The following MPIG6B variants were observed in gnomAD, a reference collection of about 807,000 sequenced individuals.
MPIG6B encodes the protein megakaryocyte and platelet inhibitory receptor G6b, also known as immunoglobulin receptor.
In MPIG6B, 22 loss-of-function variants were observed where a neutral mutation model predicts 24.2. The observed-to-expected ratio is 0.91, with a 90% CI of 0.65 to 1.30. MPIG6B has a LOEUF of 1.30. MPIG6B is among the 50% of genes most tolerant of loss of function. MPIG6B has a pLI of 0.00. For missense variants in MPIG6B, 301 were observed against 318.5 expected, an observed-to-expected ratio of 0.94 and a Z score of 0.42; for synonymous variants, 136 against 142.0, an observed-to-expected ratio of 0.96 and a Z score of 0.30.
At chr6:31,724,024 CG>C (rs754708610) in intron 2 of MPIG6B, 38 bp downstream of exon 2, 1 of 1,560,376 alleles carries the variant, frequency 6.4e-7, no homozygotes, top group East Asian at 2.2e-5. Flanking sequence ...TACTTAACTC[CG>C]ACACATACCC....
chr6:31,723,000 A>G, upstream of MPIG6B: 1 of 318,408 alleles, frequency 3.1e-6, no homozygotes, highest in Non-Finnish European at 5.9e-6. Context: ...TGTTTTTGAG[A>G]CAGGGTCTGG....
Position 31,724,572 on chromosome 6 carries a change from A to G in MPIG6B, c.501-15A>G. 2.5e-6 allele frequency: 4 copies of G among 1,610,904 alleles called. No individual in the cohort carries two copies. Among genetic ancestry groups the G allele is most frequent in the Non-Finnish European group, 3.4e-6 (4 of 1,177,048 alleles). On this transcript the variant is annotated splice_polypyrimidine_tract_variant and intron_variant, in intron 3 of 5. Coordinates refer to ENST00000649779, the MANE Select transcript of MPIG6B (RefSeq NM_138272.3). ...CAAGACTGGTGGTTCTCAAAGACTCATATGTCCCTTACAGGCGCCTGCCCC... is the reference window on the plus strand; with the variant it reads ...CAAGACTGGTGGTTCTCAAAGACTCGTATGTCCCTTACAGGCGCCTGCCCC...
At position 31,723,464 on chromosome 6, in the gene MPIG6B, G is replaced by C. The variant is rs748831416; in HGVS notation, c.61+20G>C. ...CTGGGGGTAAGCGATCCCTGGGAGA[G>C]TTGTGATAGACGCAGAGGGGCTGAA... On this transcript the variant is annotated intron_variant, in intron 1 of 5. Transcript: ENST00000649779. The surrounding 1 kb of genome is among the most constrained non-coding windows in gnomAD (Gnocchi z 4.3). 6.2e-7 allele frequency: 1 copy of C among 1,609,168 alleles called. No homozygotes were observed.
At chr6:31,724,035 C>T (rs1807105758) in intron 2 of MPIG6B, 49 bp downstream of exon 2, 2 of 1,565,032 alleles carry the variant, frequency 1.3e-6, no homozygotes, top group Admixed American at 1.7e-5. Context: ...GACACATACC[C>T]GGAGGAGGGA....
chr6:31,725,301 C>G lies in MPIG6B; in HGVS notation c.*227C>G. On this transcript the variant is annotated 3_prime_UTR_variant, in exon 6 of 6. Transcript: ENST00000649779. The surrounding 1 kb of genome is among the most constrained non-coding windows in gnomAD (Gnocchi z 5.2). ...TCCATGTCTCCCTCACCACCAGTGT[C>G]CTCTCTATACCCAATCAAGCCCTAG... The G allele has an allele frequency of 3.7e-6, 2 of 536,988 alleles. No homozygotes were observed. The highest frequency in any genetic ancestry group is 3.9e-5 in the African/African-American group (2 of 51,720). 33.3% of individuals were successfully genotyped at this position (536,988 alleles called of 1,614,324 possible). A position where few individuals can be genotyped will look rare whatever the true frequency, so the allele number is the denominator to read the frequency against.
Position 31,725,455 on chromosome 6 carries a change from G to C in MPIG6B, c.*381G>C, listed in dbSNP as rs1807286567. The C allele has an allele frequency of 5.4e-6, 1 of 186,102 alleles. No individual in the cohort carries two copies. The highest frequency in any genetic ancestry group is 6.0e-5 in the Admixed American group (1 of 16,684). 11.5% of individuals were successfully genotyped at this position (186,102 alleles called of 1,614,324 possible). ...CCATTCTCCTGCCTCAGGCTCCTGA[G>C]TAGCTGGGACTACAGGCGCCCGCCA... On this transcript the variant is annotated 3_prime_UTR_variant, in exon 6 of 6. Coordinates refer to ENST00000649779, the MANE Select transcript of MPIG6B (RefSeq NM_138272.3). The surrounding 1 kb of genome is among the most constrained non-coding windows in gnomAD (Gnocchi z 5.2).
At chr6:31,721,605 C>T, upstream of MPIG6B, 1 of 1,612,984 alleles carries the variant, frequency 6.2e-7, no homozygotes, top group Non-Finnish European at 8.5e-7. Context: ...CAAACCAGGT[C>T]TTTGGGGCCC....
chr6:31,720,335 C>G, upstream of MPIG6B: 1 of 638,870 alleles, frequency 1.6e-6, no homozygotes, highest in Non-Finnish European at 2.8e-6. This position sits in a 1 kb window ranked among gnomAD's most constrained non-coding sequence, Gnocchi z 4.9. Context: ...GCTGTTTGGT[C>G]TAGCAAGCAC....
Position 31,723,804 on chromosome 6 carries a change from C to G in MPIG6B, c.227C>G (p.Pro76Arg). The change falls in exon 2 of 6, where the codon CCC becomes CGC. Residue 76 changes from proline to arginine, a missense_variant. Coordinates refer to ENST00000649779, the MANE Select transcript of MPIG6B (RefSeq NM_138272.3). The surrounding 1 kb of genome is among the most constrained non-coding windows in gnomAD (Gnocchi z 4.3). ...TCGAGCGGGACCCCCACCGTGCCTCCCCTCCAGCCTTTCGTCGGCCGCCTA... is the reference window on the plus strand; with the variant it reads ...TCGAGCGGGACCCCCACCGTGCCTCGCCTCCAGCCTTTCGTCGGCCGCCTA... ...ASSSGTPTVP[P>R]LQPFVGRLRS... The G allele has an allele frequency of 6.2e-7, 1 of 1,613,988 alleles. No individual in the cohort carries two copies. The highest frequency in any genetic ancestry group is 8.5e-7 in the Non-Finnish European group (1 of 1,179,952).
In MPIG6B at chr6:31,726,214, C is replaced by T. The variant is rs1807352474; in HGVS notation, c.*1140C>T. The stretch of plus-strand genomic sequence containing the variant: ...CTACTCAAGAGATAACTGCTCCTGA[C>T]AGCCCTTATTACAGAACTGAAGTAC... On this transcript the variant is annotated 3_prime_UTR_variant, in exon 6 of 6. Transcript: ENST00000649779. This position sits in a 1 kb window ranked among gnomAD's most constrained non-coding sequence, Gnocchi z 5.1. 6.6e-6 allele frequency: 1 copy of T among 152,358 alleles called. No individual in the cohort carries two copies. The highest frequency in any genetic ancestry group is 1.5e-5 in the Non-Finnish European group (1 of 68,078). The allele number at this position is 152,358 out of a possible 1,614,324, so 9.4% of individuals were successfully genotyped here.
rs749137720 is a variant in MPIG6B at position 31,723,666 on chromosome 6, G to A, written c.89G>A (p.Arg30Gln). The A allele has an allele frequency of 1.9e-5, 30 of 1,586,828 alleles. No individual in the cohort carries two copies. Among genetic ancestry groups the A allele is most frequent in the Non-Finnish European group, 2.3e-5 (27 of 1,166,804 alleles). The part of the protein sequence containing the change: ...GASLDGRPGD[R>Q]VNLSCGGVSH... The stretch of plus-strand genomic sequence containing the variant: ...TCTCTGGACGGCCGCCCTGGGGACC[G>A]GGTGAATCTCTCCTGCGGAGGAGTC... Residue 30 changes from arginine to glutamine, a missense_variant, in exon 2 of 6, where the codon CGG (arginine) becomes CAG (glutamine). Coordinates refer to ENST00000649779, the MANE Select transcript of MPIG6B (RefSeq NM_138272.3). The surrounding 1 kb of genome is among the most constrained non-coding windows in gnomAD (Gnocchi z 4.3).
At position 31,726,501 on chromosome 6, in the gene MPIG6B, G is replaced by C. The variant is rs567736852; in HGVS notation, c.*1427G>C. On this transcript the variant is annotated 3_prime_UTR_variant, in exon 6 of 6. Coordinates refer to ENST00000649779, the MANE Select transcript of MPIG6B (RefSeq NM_138272.3). This position sits in a 1 kb window ranked among gnomAD's most constrained non-coding sequence, Gnocchi z 5.1. ...TTCAAGTATGGCCTTTTCTGGGAAG[G>C]TGACCCTCCTTGGCCACCCCTTGCA... 2 of 152,138 alleles carry C rather than the reference G, an allele frequency of 1.3e-5. No individual in the cohort carries two copies. The highest frequency in any genetic ancestry group is 4.8e-5 in the African/African-American group (2 of 41,422). The allele number at this position is 152,138 out of a possible 1,614,324, so 9.4% of individuals were successfully genotyped here. A position where few individuals can be genotyped will look rare whatever the true frequency, so the allele number is the denominator to read the frequency against.
Position 31,725,307 on chromosome 6 carries a change from T to C in MPIG6B, c.*233T>C. The C allele has an allele frequency of 1.9e-6, 1 of 516,236 alleles. No individual in the cohort carries two copies. The highest frequency in any genetic ancestry group is 3.4e-6 in the Non-Finnish European group (1 of 293,496). The allele number at this position is 516,236 out of a possible 1,614,324, so 32.0% of individuals were successfully genotyped here. A position where few individuals can be genotyped will look rare whatever the true frequency, so the allele number is the denominator to read the frequency against. On this transcript the variant is annotated 3_prime_UTR_variant, in exon 6 of 6. Transcript: ENST00000649779. This position sits in a 1 kb window ranked among gnomAD's most constrained non-coding sequence, Gnocchi z 5.2. ...TCTCCCTCACCACCAGTGTCCTCTC[T>C]ATACCCAATCAAGCCCTAGCTCCTT...
chr6:31,722,540 G>T (rs1583814366), upstream of MPIG6B, among the ~76,000 whole-genome samples: 1 of 152,150 alleles, frequency 6.6e-6, no homozygotes, highest in African/African-American at 2.4e-5. Flanking sequence ...GCACAGAGAG[G>T]TGAGGTAGAA....
upstream of MPIG6B, among the ~76,000 whole-genome samples, chr6:31,722,381 G>A (rs1036889528): frequency 7.2e-5 from 11 of 152,070 alleles, no homozygotes; most frequent in African/African-American, 1.9e-4. Context: ...GATGTCACCC[G>A]TGCTCCACTT....
rs765817037 is a variant in MPIG6B, at chr6:31,724,135, C to T, written c.410-7C>T. The T allele has an allele frequency of 1.9e-5, 30 of 1,611,312 alleles. No individual in the cohort carries two copies. Among genetic ancestry groups the T allele is most frequent in the Middle Eastern group, 1.7e-4 (1 of 5,998 alleles). On this transcript the variant is annotated splice_region_variant and splice_polypyrimidine_tract_variant and intron_variant, in intron 2 of 5. Transcript: ENST00000649779. Reference sequence around the variant, plus strand: ...CAGCATCCCTCCCCGCCACGCCTTTCCCCCAGGGTCCGTGTATCCCCAGCT... The same window carrying T: ...CAGCATCCCTCCCCGCCACGCCTTTTCCCCAGGGTCCGTGTATCCCCAGCT...
chr6:31,721,372 G>A (rs1806772234), upstream of MPIG6B, among the ~76,000 whole-genome samples: 1 of 152,082 alleles, frequency 6.6e-6, no homozygotes. Context: ...GGGGAACAGG[G>A]GACCCAGAGC....
upstream of MPIG6B, chr6:31,721,801 G>A: frequency 1.1e-6 from 1 of 917,598 alleles, no homozygotes; most frequent in East Asian, 2.6e-5. Flanking sequence ...TCCCTTCCCT[G>A]CCTCTGGTAG....
chr6:31,723,617 C>A lies in MPIG6B; in HGVS notation c.62-22C>A. The A allele has an allele frequency of 6.5e-7, 1 of 1,537,676 alleles. No homozygotes were observed. The highest frequency in any genetic ancestry group is 8.7e-7 in the Non-Finnish European group (1 of 1,142,904). On this transcript the variant is annotated intron_variant, in intron 1 of 5. Coordinates refer to ENST00000649779, the MANE Select transcript of MPIG6B (RefSeq NM_138272.3). This position sits in a 1 kb window ranked among gnomAD's most constrained non-coding sequence, Gnocchi z 4.3. Reference sequence around the variant, plus strand: ...TCTTGCCCTGTGGACGTGCCCTAACCACAGCCTCCGGCCTCTCCTAGCTTC... The same window carrying A: ...TCTTGCCCTGTGGACGTGCCCTAACAACAGCCTCCGGCCTCTCCTAGCTTC...
Sources: gnomAD v4.1 joint callset for allele counts (sites outside exome capture counted in the v4.1 genomes callset) on GRCh38, gnomAD v4.1.1 for gene constraint, Gnocchi (gnomAD v3.1) non-coding constraint, MANE v1.5 for transcripts, NCBI Gene and HGNC (gene_info 2026-07-23, HGNC 2026-07-21) for gene names.